The following ULK4 variants were observed in gnomAD, a reference collection of about 807,000 sequenced individuals.
ULK4 encodes the protein inactive serine/threonine-protein kinase ULK4.
A neutral mutation model predicts 160.6 loss-of-function variants in ULK4; 133 were observed. That is an observed-to-expected ratio of 0.83 (90% confidence interval 0.72 to 0.96). The LOEUF (loss-of-function observed/expected upper bound fraction) is 0.96, where lower values mean the gene tolerates loss of function less well. Ranked by LOEUF, ULK4 falls within the 40% of genes least tolerant of loss-of-function variation. ULK4 has a pLI of 0.00. For synonymous variants in ULK4, 534 were observed against 539.8 expected, an observed-to-expected ratio of 0.99 and a Z score of 0.15; for missense variants, 1,580 against 1,499.5, an observed-to-expected ratio of 1.05 and a Z score of -0.89.
At chr3:41,959,778 T>A (rs1700609606) in intron 1 of ULK4, among the ~76,000 whole-genome samples, 1 of 150,692 alleles carries the variant, frequency 6.6e-6, no homozygotes, top group East Asian at 2.0e-4. Flanking sequence ...TCTACACAAA[T>A]AAAATAGCCT....
chr3:41,252,929 G>A (rs540993457), intron 35 of ULK4, among the ~76,000 whole-genome samples: 137 of 152,146 alleles, frequency 9.0e-4, no homozygotes, highest in Middle Eastern at 3.4e-3. Flanking sequence ...TACTTATAGG[G>A]TAACAATAAT....
chr3:41,622,466 A>C (rs2125692520), intron 30 of ULK4, among the ~76,000 whole-genome samples: 1 of 152,276 alleles, frequency 6.6e-6, no homozygotes, highest in Non-Finnish European at 1.5e-5. Flanking sequence ...GAAGCTGGAA[A>C]CCATCATTCT....
chr3:41,289,160 TTTTG>T (rs2079513968), intron 35 of ULK4, among the ~76,000 whole-genome samples: 2 of 152,198 alleles, frequency 1.3e-5, no homozygotes, highest in African/African-American at 4.8e-5. Context: ...AATTGGTTTG[TTTTG>T]TTTGTTTTTT....
intron 32 of ULK4, among the ~76,000 whole-genome samples, chr3:41,502,119 C>A (rs1186005660): frequency 6.6e-6 from 1 of 152,156 alleles, no homozygotes; most frequent in African/African-American, 2.4e-5. Flanking sequence ...TAAATTGATT[C>A]TATATCCTAG....
intron 30 of ULK4, among the ~76,000 whole-genome samples, chr3:41,633,983 A>G (rs1324913079): frequency 6.6e-6 from 1 of 152,180 alleles, no homozygotes; most frequent in Non-Finnish European, 1.5e-5. Flanking sequence ...TCATTCTACA[A>G]TAGAGAAAAC....
chr3:41,338,354 C>T (rs1320963357), intron 35 of ULK4, among the ~76,000 whole-genome samples: 2 of 152,196 alleles, frequency 1.3e-5, no homozygotes, highest in Non-Finnish European at 2.9e-5. Context: ...GGAGAAACCA[C>T]TGCAGCAGTC....
chr3:41,667,483 G>A (rs2125769291), intron 29 of ULK4, among the ~76,000 whole-genome samples: 1 of 152,320 alleles, frequency 6.6e-6, no homozygotes, highest in African/African-American at 2.4e-5. Flanking sequence ...CTTTGAAAGA[G>A]CAGCTAGTAA....
At position 41,891,631 on chromosome 3, in the gene ULK4, G is replaced by A. The variant is rs115931935; in HGVS notation, c.1577+3887C>T. Among the ~76,000 whole-genome samples the A allele has an allele frequency of 3.5e-3, 531 of 152,284 alleles. 2 individuals are homozygous for A. The highest frequency in any genetic ancestry group is 0.012 in the African/African-American group (503 of 41,566). ...ACAAACAAAAAATACTAACAGCCAG[G>A]CGCGGTGGCTCATGCCTATAATCCC... On this transcript the variant is annotated intron_variant, in intron 16 of 36. Coordinates refer to ENST00000301831, the MANE Select transcript of ULK4 (RefSeq NM_017886.4).
At chr3:41,508,647 A>C (rs551132315) in intron 32 of ULK4, among the ~76,000 whole-genome samples, 17 of 152,112 alleles carry the variant, frequency 1.1e-4, no homozygotes, top group Admixed American at 9.2e-4. Flanking sequence ...ACATCACAGG[A>C]CTCTTTGCAG....
At chr3:41,553,381 T>C (rs1187998240) in intron 32 of ULK4, among the ~76,000 whole-genome samples, 1 of 151,858 alleles carries the variant, frequency 6.6e-6, no homozygotes, top group Non-Finnish European at 1.5e-5. Flanking sequence ...ATCCAAAATA[T>C]AAAAGGGACT....
In ULK4 at chr3:41,286,110, C is replaced by T. The variant is rs540930851; in HGVS notation, c.3679-36536G>A. ...ATCTTTTGGGGACCTCATTTTGATG[C>T]ACACGCTAATAGGCCAGGCTGAATG... On this transcript the variant is annotated intron_variant, in intron 35 of 36. Coordinates refer to ENST00000301831, the MANE Select transcript of ULK4 (RefSeq NM_017886.4). Among the ~76,000 whole-genome samples, 21 of 152,266 alleles carry T rather than the reference C, an allele frequency of 1.4e-4. No homozygotes were observed. In the East Asian group the frequency reaches 3.3e-3, roughly 24 times the overall value.
chr3:41,691,124 T>C lies in ULK4; in HGVS notation c.2782-9320A>G, dbSNP rs2036281629. 1.3e-5 allele frequency among the ~76,000 whole-genome samples: 2 copies of C among 151,852 alleles called. 1 individual carries two copies. The highest frequency in any genetic ancestry group is 2.9e-5 in the Non-Finnish European group (2 of 67,932). On this transcript the variant is annotated intron_variant, in intron 27 of 36. Transcript: ENST00000301831. ...TCAACATGTGCACTAAGAGGCAAAA[T>C]GGCAGAGTTTGGTATATGACCTTCT...
intron 31 of ULK4, among the ~76,000 whole-genome samples, chr3:41,614,201 G>C (rs2032843707): frequency 6.6e-6 from 1 of 152,178 alleles, no homozygotes. Context: ...TAACGGGTTA[G>C]AAGCCCTCCT....
At chr3:41,664,433 T>A (rs1274986592) in intron 29 of ULK4, among the ~76,000 whole-genome samples, 1 of 152,154 alleles carries the variant, frequency 6.6e-6, no homozygotes, top group African/African-American at 2.4e-5. Flanking sequence ...CGCAGCACAC[T>A]CTTCCCCCAG....
chr3:41,902,958 A>T (rs1183825752), intron 12 of ULK4, among the ~76,000 whole-genome samples: 2 of 152,214 alleles, frequency 1.3e-5, no homozygotes, highest in Admixed American at 6.5e-5. Context: ...ACACTTAAAT[A>T]TATACATCAT....
intron 2 of ULK4, among the ~76,000 whole-genome samples, chr3:41,953,285 CATAT>C (rs1553692179): frequency 3.5e-5 from 3 of 85,942 alleles, no homozygotes; most frequent in African/African-American, 1.1e-4. Context: ...CATATATACA[CATAT>C]ATATATATAT....
At chr3:41,400,377 C>T (rs2082154071) in intron 34 of ULK4, among the ~76,000 whole-genome samples, 1 of 152,088 alleles carries the variant, frequency 6.6e-6, no homozygotes, top group Admixed American at 6.6e-5. Context: ...CCATCCCTAA[C>T]CCCTGGTGAC....
chr3:41,685,297 A>G (rs2036064358), intron 27 of ULK4, among the ~76,000 whole-genome samples: 1 of 152,176 alleles, frequency 6.6e-6, no homozygotes, highest in African/African-American at 2.4e-5. Context: ...TTAAGCATAA[A>G]GAAGGTGAAG....
intron 30 of ULK4, among the ~76,000 whole-genome samples, chr3:41,660,503 T>C (rs757956671): frequency 1.9e-4 from 29 of 152,338 alleles, no homozygotes; most frequent in Middle Eastern, 3.4e-3. Flanking sequence ...TCCAAAATGT[T>C]AGACTTAAAA....
Sources: gnomAD v4.1 joint callset for allele counts (sites outside exome capture counted in the v4.1 genomes callset) on GRCh38, gnomAD v4.1.1 for gene constraint, MANE v1.5 for transcripts, NCBI Gene and HGNC (gene_info 2026-07-23, HGNC 2026-07-21) for gene names.